The following PTPN12 variants were observed in gnomAD, a reference collection of about 807,000 sequenced individuals.
PTPN12 encodes tyrosine-protein phosphatase non-receptor type 12.
PTPN12 carries 29 observed loss-of-function variants against 97.6 expected under a neutral mutation model. The observed-to-expected ratio is 0.30, with a 90% CI of 0.22 to 0.41. The LOEUF is 0.41. PTPN12 is among the 10% of genes least tolerant of loss of function. The probability of loss-of-function intolerance (pLI) is 1.00; values close to 1 mark genes in which losing one functional copy is unlikely to be tolerated. For missense variants in PTPN12, 819 were observed against 926.0 expected, an observed-to-expected ratio of 0.88 and a Z score of 1.50; for synonymous variants, 327 against 300.4, an observed-to-expected ratio of 1.09 and a Z score of -0.91.
chr7:77,537,448 A>T lies in PTPN12; in HGVS notation c.-99A>T, dbSNP rs1185759147. ...GGCTTGGCGGGGTCGGGAGGGAGGG[A>T]CGTGCTGGGGGAACGAGCTGGGGAA... On this transcript the variant is annotated 5_prime_UTR_variant, in exon 1 of 18. Coordinates refer to ENST00000248594, the MANE Select transcript of PTPN12 (RefSeq NM_002835.4). 5.2e-6 allele frequency: 7 copies of T among 1,343,414 alleles called. No homozygotes were observed. The African/African-American group carries it at 9.4e-5, about 18-fold the overall frequency. 83.2% of individuals were successfully genotyped at this position (1,343,414 alleles called of 1,614,324 possible). A position where few individuals can be genotyped will look rare whatever the true frequency, so the allele number is the denominator to read the frequency against.
Position 77,597,853 on chromosome 7 carries a change from AG to A in PTPN12, c.505del (p.Ala169GlnfsTer27). On this transcript the variant is annotated frameshift_variant, in exon 7 of 18. Coordinates refer to ENST00000248594, the MANE Select transcript of PTPN12 (RefSeq NM_002835.4). LOFTEE classifies it high-confidence loss of function. ...PFKISCEDEQ[A>X]RTDYFIRTLL... Reference sequence around the variant, plus strand: ...TTCTCTTTATTTAGGAGGATGAACAAGCAAGAACAGACTACTTCATCAGGAC... The same window carrying A: ...TTCTCTTTATTTAGGAGGATGAACAACAAGAACAGACTACTTCATCAGGAC... The A allele has an allele frequency of 6.2e-7, 1 of 1,612,020 alleles. No individual in the cohort carries two copies. Among genetic ancestry groups the A allele is most frequent in the Non-Finnish European group, 8.5e-7 (1 of 1,179,184 alleles).
At chr7:77,590,082 T>G (rs1787817538) in intron 5 of PTPN12, among the ~76,000 whole-genome samples, 1 of 152,186 alleles carries the variant, frequency 6.6e-6, no homozygotes, top group African/African-American at 2.4e-5. Flanking sequence ...CAAACCTACC[T>G]TTTACAAGCA....
In PTPN12 at chr7:77,626,709, C is replaced by T; in HGVS notation, c.1030C>T (p.Leu344Phe). The change falls in exon 13 of 18, where the codon CTT becomes TTT. Residue 344 changes from leucine (L) to phenylalanine (F), a missense_variant. By Grantham distance (22) the Leu-to-Phe change is conservative. Transcript: ENST00000248594. The stretch of plus-strand genomic sequence containing the variant: ...TTTTAAATGTTTGTTTTTCAGTTGC[C>T]TTGTTGAAGGGGATGCTAAAGAAGA... ...PPKPPRTRSCLVEGDAKEEIL... is the reference protein window; with the variant it reads ...PPKPPRTRSCFVEGDAKEEIL... 1 of 1,585,682 alleles carries T rather than the reference C, an allele frequency of 6.3e-7. No individual in the cohort carries two copies. The highest frequency in any genetic ancestry group is 8.6e-7 in the Non-Finnish European group (1 of 1,167,170).
intron 1 of PTPN12, among the ~76,000 whole-genome samples, chr7:77,555,142 T>C (rs913520014): frequency 6.6e-6 from 1 of 152,166 alleles, no homozygotes; most frequent in South Asian, 2.1e-4. Flanking sequence ...CAGAGTCAGA[T>C]GTAATTCTTA....
chr7:77,570,493 C>T (rs1808426773), intron 1 of PTPN12, among the ~76,000 whole-genome samples: 2 of 152,206 alleles, frequency 1.3e-5, no homozygotes, highest in Admixed American at 1.3e-4. Context: ...AATATTCCAG[C>T]CCAAAGAACA....
At chr7:77,585,619 C>A (rs140453669) in intron 5 of PTPN12, 38 bp downstream of exon 5, 29 of 1,509,840 alleles carry the variant, frequency 1.9e-5, no homozygotes, top group Non-Finnish European at 2.6e-5. Context: ...TTCATTTTTA[C>A]GGATAAATAT....
chr7:77,590,457 T>TTA (rs1787830104), intron 5 of PTPN12, among the ~76,000 whole-genome samples: 1 of 152,138 alleles, frequency 6.6e-6, no homozygotes, highest in Non-Finnish European at 1.5e-5. Flanking sequence ...ACACCTGTAA[T>TTA]CCCAGCTACT....
At chr7:77,583,698 T>C (rs1267731867) in intron 4 of PTPN12, 48 bp downstream of exon 4, 1 of 1,178,226 alleles carries the variant, frequency 8.5e-7, no homozygotes, top group Non-Finnish European at 1.2e-6. Flanking sequence ...ACTTATGTAA[T>C]AACATAGGCT....
In PTPN12 at chr7:77,639,272, T is replaced by G; in HGVS notation, c.2335T>G (p.Trp779Gly). Residue 779 changes from tryptophan (W) to glycine (G), a missense_variant, in exon 18 of 18, where the codon TGG becomes GGG. Transcript: ENST00000248594. ...AGGACCAAGAGATCCACCTTCAGAA[T>G]GGACATGATTCAGGGAGCTAGAAGA... ...PKGPRDPPSE[W>G]T The G allele has an allele frequency of 6.2e-7, 1 of 1,612,044 alleles. No individual in the cohort carries two copies. Among genetic ancestry groups the G allele is most frequent in the Non-Finnish European group, 8.5e-7 (1 of 1,178,770 alleles).
intron 1 of PTPN12, among the ~76,000 whole-genome samples, chr7:77,552,788 A>G (rs1254198037): frequency 2.6e-5 from 4 of 152,230 alleles, no homozygotes; most frequent in Non-Finnish European, 4.4e-5. Context: ...TATAGGTATT[A>G]GACCTGGCCA....
Position 77,626,845 on chromosome 7 carries a change from C to T in PTPN12, c.1166C>T (p.Pro389Leu). ...TVWQDNDRYH[P>L]KPVLHMVSSE... Reference sequence around the variant, plus strand: ...TGGCAGGACAATGATAGATACCATCCAAAGCCAGTGTTGCATATGGTTTCA... The same window carrying T: ...TGGCAGGACAATGATAGATACCATCTAAAGCCAGTGTTGCATATGGTTTCA... Residue 389 changes from proline (P) to leucine (L), a missense_variant, in exon 13 of 18, where the codon CCA becomes CTA. Coordinates refer to ENST00000248594, the MANE Select transcript of PTPN12 (RefSeq NM_002835.4). The T allele has an allele frequency of 1.2e-6, 2 of 1,613,904 alleles. No homozygotes were observed. The highest frequency in any genetic ancestry group is 1.7e-6 in the Non-Finnish European group (2 of 1,179,856).
intron 5 of PTPN12, 56 bp downstream of exon 5, chr7:77,585,637 C>T (rs1408001239): frequency 2.8e-6 from 4 of 1,441,150 alleles, no homozygotes; most frequent in East Asian, 4.6e-5. Context: ...TATTCTTAGT[C>T]TTTTATTATT....
rs551042885 is a variant in PTPN12 at position 77,548,975 on chromosome 7, T to G, written c.99+11330T>G. On this transcript the variant is annotated intron_variant, in intron 1 of 17. Coordinates refer to ENST00000248594, the MANE Select transcript of PTPN12 (RefSeq NM_002835.4). ...TCTCTGCATTTTGACTTTCACTGTTTTGGCCTGCATGTGCTGAATAAAGAC... is the reference window on the plus strand; with the variant it reads ...TCTCTGCATTTTGACTTTCACTGTTGTGGCCTGCATGTGCTGAATAAAGAC... Among the ~76,000 whole-genome samples the G allele has an allele frequency of 3.9e-4, 59 of 152,364 alleles. 1 individual carries two copies. Among genetic ancestry groups the G allele is most frequent in the Non-Finnish European group, 6.8e-4 (46 of 68,032 alleles).
chr7:77,604,838 G>A (rs1325811568), intron 8 of PTPN12: 9 of 418,230 alleles, frequency 2.2e-5, no homozygotes, highest in African/African-American at 1.0e-4. Context: ...TTATGGTTAA[G>A]GTATGTGATC....
At chr7:77,593,529 G>A (rs890699482) in intron 6 of PTPN12, among the ~76,000 whole-genome samples, 3 of 152,210 alleles carry the variant, frequency 2.0e-5, no homozygotes, top group African/African-American at 7.2e-5. Flanking sequence ...CTGATGTTCA[G>A]TTCTAGTTGG....
At chr7:77,629,966 A>C (rs10273864) in intron 13 of PTPN12, among the ~76,000 whole-genome samples, 98,044 of 150,082 alleles carry the variant, frequency 0.65, 33,610 homozygotes, top group East Asian at 0.9. Flanking sequence ...AAAGAGTAAG[A>C]TATAGCTAAA....
At chr7:77,610,015 T>C (rs1365942962) in intron 9 of PTPN12, among the ~76,000 whole-genome samples, 1 of 152,230 alleles carries the variant, frequency 6.6e-6, no homozygotes, top group Non-Finnish European at 1.5e-5. Flanking sequence ...ACAGTTATGA[T>C]ATTTCTGCTT....
At position 77,605,945 on chromosome 7, in the gene PTPN12, C is replaced by CTTTTTTTT. The variant is rs10648385; in HGVS notation, c.696-1271_696-1264dup. ...TCCTGTACTCTAAAACAAGAGCCATCTTTTTTTTTTTTTTTTTTTTTTTTT... is the reference window on the plus strand; with the variant it reads ...TCCTGTACTCTAAAACAAGAGCCATCTTTTTTTTTTTTTTTTTTTTTTTTTTTTTTTTT... On this transcript the variant is annotated intron_variant, in intron 8 of 17. Transcript: ENST00000248594. Among the ~76,000 whole-genome samples, 22 of 51,918 alleles carry CTTTTTTTT rather than the reference C, an allele frequency of 4.2e-4. 2 individuals are homozygous for CTTTTTTTT. The highest frequency in any genetic ancestry group is 7.9e-4 in the African/African-American group (10 of 12,610). 34.1% of individuals were successfully genotyped at this position (51,918 alleles called of 152,430 possible).
At chr7:77,622,892 G>C (rs1303009578) in intron 12 of PTPN12, among the ~76,000 whole-genome samples, 1 of 145,700 alleles carries the variant, frequency 6.9e-6, no homozygotes, top group Non-Finnish European at 1.5e-5. Flanking sequence ...TTCATTTCAA[G>C]AAAATGAATG....
Sources: allele counts gnomAD v4.1 joint callset (sites outside exome capture counted in the v4.1 genomes callset), GRCh38; gene constraint gnomAD v4.1.1; transcripts MANE v1.5; gene names NCBI Gene and HGNC (gene_info 2026-07-23, HGNC 2026-07-21).